The following TPM4 variants were observed in gnomAD, a reference collection of about 807,000 sequenced individuals.
TPM4 encodes the protein tropomyosin 4.
Under a neutral mutation model 35.8 loss-of-function variants are expected in TPM4, and 17 were observed. That is an observed-to-expected ratio of 0.47 (90% CI 0.32 to 0.71). The LOEUF (loss-of-function observed/expected upper bound fraction) is 0.71. Among genes scored for constraint, TPM4 ranks in the 30% least tolerant of loss-of-function variants. The pLI is 0.03. For missense variants in TPM4, 240 were observed against 320.9 expected (o/e 0.75, Z 1.93); for synonymous variants, 120 against 122.9 (o/e 0.98, Z 0.15).
chr19:16,094,165 T>C (rs1004793944), intron 7 of TPM4, among the ~76,000 whole-genome samples: 1 of 151,994 alleles, frequency 6.6e-6, no homozygotes, highest in Non-Finnish European at 1.5e-5. Flanking sequence ...AAAATATCTC[T>C]GCTTAGTTAG....
In TPM4 at chr19:16,102,355, A is replaced by C. The variant is rs186588696; in HGVS notation, c.*1009A>C. 2.9e-3 allele frequency: 611 copies of C among 208,526 alleles called. 8 individuals carry two copies. The highest frequency in any genetic ancestry group is 0.013 in the African/African-American group (564 of 44,020). 12.9% of individuals were successfully genotyped at this position (208,526 alleles called of 1,614,324 possible). A position where few individuals can be genotyped will look rare whatever the true frequency, so the allele number is the denominator to read the frequency against. ...CTCCATCTCAAGAAAAAATAAAAAT[A>C]AAGTTGTTCTCTGAAGAGCAAATGT... On this transcript the variant is annotated 3_prime_UTR_variant, in exon 8 of 8. Transcript: ENST00000643579.
rs150878439 is a variant in TPM4 at position 16,086,670 on chromosome 19, G to A, written c.384+130G>A. ...CAGCTGTCCTCCTGCGTGAACATAT[G>A]TTTGTCCAGAGACAACCACTTGGCT... is the stretch of plus-strand genomic sequence containing the variant. On this transcript the variant is annotated intron_variant, in intron 3 of 7. Transcript: ENST00000643579. 6 of 720,122 alleles carry A rather than the reference G, an allele frequency of 8.3e-6. No homozygotes were observed. In the African/African-American group the frequency reaches 8.9e-5, roughly 11 times the overall value. The allele number at this position is 720,122 out of a possible 1,614,324, so 44.6% of individuals were successfully genotyped here.
At chr19:16,077,692 C>G (rs1281862061) in intron 1 of TPM4, among the ~76,000 whole-genome samples, 1 of 107,572 alleles carries the variant, frequency 9.3e-6, no homozygotes. Context: ...CCCAGAGTAG[C>G]AGGGAGGGTC....
intron 7 of TPM4, among the ~76,000 whole-genome samples, chr19:16,098,963 C>T (rs2090733122): frequency 6.6e-6 from 1 of 152,110 alleles, no homozygotes; most frequent in Non-Finnish European, 1.5e-5. Context: ...GAGAAACTGG[C>T]TCGTCCAACA....
Position 16,070,942 on chromosome 19 carries a change from G to A in TPM4, c.114+3204G>A, listed in dbSNP as rs1324264233. On this transcript the variant is annotated intron_variant, in intron 2 of 2. Transcript: ENST00000589897. This position sits in a 1 kb window ranked among gnomAD's most constrained non-coding sequence, Gnocchi z 7.4. ...CCTCACCATGAGGGACTTAGCCAGAGATTCGGAGAGAAACAAGTTTATAGC... is the reference window on the plus strand; with the variant it reads ...CCTCACCATGAGGGACTTAGCCAGAAATTCGGAGAGAAACAAGTTTATAGC... Among the ~76,000 whole-genome samples the A allele has an allele frequency of 6.6e-6, 1 of 152,226 alleles. No homozygotes were observed. The highest frequency in any genetic ancestry group is 1.9e-4 in the East Asian group (1 of 5,194).
chr19:16,098,216 G>A (rs1174284994), intron 7 of TPM4, among the ~76,000 whole-genome samples: 1 of 152,158 alleles, frequency 6.6e-6, no homozygotes, highest in Admixed American at 6.5e-5. Flanking sequence ...GCCAAGGCAG[G>A]CAGGTCACTT....
At chr19:16,087,981 A>G (rs765901581) in intron 3 of TPM4, 46 bp from the exon 4 acceptor site, 832 of 1,581,546 alleles carry the variant, frequency 5.3e-4, no homozygotes, top group Non-Finnish European at 6.8e-4. Flanking sequence ...GGGAGAGGAC[A>G]CGGCTGGTGG....
chr19:16,090,313 A>G (rs1462795033), intron 5 of TPM4, among the ~76,000 whole-genome samples: 1 of 144,732 alleles, frequency 6.9e-6, no homozygotes, highest in African/African-American at 2.6e-5. Context: ...TATAGAGCAC[A>G]GTCTATGTTG....
chr19:16,101,218 A>G (rs1030500241), intron 7 of TPM4, 46 bp from the exon 8 acceptor site: 74 of 1,408,388 alleles, frequency 5.3e-5, no homozygotes, highest in Non-Finnish European at 6.4e-5. Context: ...CATTTAACAA[A>G]GACGCTTATT....
upstream of TPM4, among the ~76,000 whole-genome samples, chr19:16,072,778 G>C (rs2090366804): frequency 6.6e-6 from 1 of 151,846 alleles, no homozygotes. Context: ...TTGGTGGCAT[G>C]AGCCTGTAAT....
intron 7 of TPM4, 89 bp downstream of exon 7, chr19:16,093,842 C>T: frequency 6.9e-7 from 1 of 1,457,424 alleles, no homozygotes. Context: ...TGTGGAGGGG[C>T]TGGGTTGGGC....
chr19:16,068,124 T>C (rs1462744603), intron 2 of TPM4, among the ~76,000 whole-genome samples: 1 of 151,904 alleles, frequency 6.6e-6, no homozygotes, highest in Admixed American at 6.6e-5. Flanking sequence ...TACGTGTGTG[T>C]GTACGTGTGT....
At chr19:16,095,160 GT>G (rs2090678958) in intron 7 of TPM4, 3 of 719,526 alleles carry the variant, frequency 4.2e-6, no homozygotes, top group South Asian at 6.5e-5. Flanking sequence ...TTGCTCACGT[GT>G]TTTTTTCTTC....
In TPM4 at chr19:16,067,889, T is replaced by C; in HGVS notation, c.114+151T>C. 7.4e-6 allele frequency: 5 copies of C among 673,384 alleles called. No homozygotes were observed. The highest frequency in any genetic ancestry group is 3.5e-5 in the Admixed American group (1 of 28,494). The allele number at this position is 673,384 out of a possible 1,614,324, so 41.7% of individuals were successfully genotyped here. ...GAGGAAGAGCGAGGGGACCATTGCC[T>C]TCCTTGGATGGGGTCCTGGGCTGGA... On this transcript the variant is annotated intron_variant, in intron 2 of 2. Coordinates refer to the TPM4 transcript ENST00000589897. The surrounding 1 kb of genome is among the most constrained non-coding windows in gnomAD (Gnocchi z 4.1).
intron 2 of TPM4, among the ~76,000 whole-genome samples, chr19:16,084,088 G>A (rs1369795669): frequency 3.3e-5 from 5 of 152,090 alleles, no homozygotes; most frequent in African/African-American, 7.2e-5. Context: ...CACCACACCC[G>A]GCTAATTTTT....
intron 4 of TPM4, 164 bp downstream of exon 4, chr19:16,088,261 T>G (rs1599376718): frequency 7.1e-7 from 1 of 1,403,602 alleles, no homozygotes; most frequent in Non-Finnish European, 9.6e-7. Flanking sequence ...GACAAAGAGG[T>G]GGTGACTTGT....
intron 2 of TPM4, among the ~76,000 whole-genome samples, chr19:16,068,356 A>G (rs1208394603): frequency 2.0e-5 from 3 of 152,194 alleles, no homozygotes; most frequent in South Asian, 2.1e-4. Flanking sequence ...TTGTATTTTT[A>G]GTAGAGACCG....
chr19:16,100,109 A>C (rs2090747883), intron 7 of TPM4: 1 of 152,192 alleles, frequency 6.6e-6, no homozygotes, highest in African/African-American at 2.4e-5. Context: ...TAGGTTCTGA[A>C]GTATTTCTCC....
At chr19:16,072,532 C>G (rs113433695), upstream of TPM4, among the ~76,000 whole-genome samples, 3,268 of 152,228 alleles carry the variant, frequency 0.021, 129 homozygotes, top group African/African-American at 0.074. Context: ...AGATTCAAAT[C>G]CCCCATCTGT....
Sources: allele counts gnomAD v4.1 joint callset (sites outside exome capture counted in the v4.1 genomes callset), GRCh38; gene constraint gnomAD v4.1.1; non-coding constraint Gnocchi (gnomAD v3.1); transcripts MANE v1.5; gene names NCBI Gene and HGNC (gene_info 2026-07-23, HGNC 2026-07-21).